Variants in ADARB1 observed in about 807,000 individuals in gnomAD.
ADARB1 encodes double-stranded RNA-specific editase 1.
ADARB1 carries 10 observed loss-of-function variants against 52.4 expected under a neutral mutation model. The observed-to-expected ratio is 0.19, with a 90% CI of 0.12 to 0.32. ADARB1 has a LOEUF of 0.32. Among genes scored for constraint, ADARB1 ranks in the 10% least tolerant of loss-of-function variants. The probability of loss-of-function intolerance (pLI) is 1.00; values close to 1 mark genes in which losing one functional copy is unlikely to be tolerated. For synonymous variants in ADARB1, 349 were observed against 371.1 expected (o/e 0.94, Z 0.68); for missense variants, 643 against 922.3 (o/e 0.70, Z 3.92).
At chr21:45,097,207 C>T (rs1011717881) in intron 1 of ADARB1, among the ~76,000 whole-genome samples, 3 of 152,150 alleles carry the variant, frequency 2.0e-5, no homozygotes, top group Admixed American at 6.5e-5. Context: ...GTATTTTCCA[C>T]TGTGAGATGG....
chr21:45,168,447 ATG>A (rs1325113971), intron 2 of ADARB1, among the ~76,000 whole-genome samples: 1 of 152,162 alleles, frequency 6.6e-6, no homozygotes, highest in Non-Finnish European at 1.5e-5. Context: ...TTATAGTTTT[ATG>A]TTTTGCATGT....
At chr21:45,197,239 C>T (rs990571416) in intron 8 of ADARB1, among the ~76,000 whole-genome samples, 5 of 151,822 alleles carry the variant, frequency 3.3e-5, no homozygotes, top group African/African-American at 9.7e-5. Context: ...TGGTGGCTCA[C>T]GCCTGTAATC....
At chr21:45,162,982 A>G (rs1056767308) in intron 2 of ADARB1, among the ~76,000 whole-genome samples, 5 of 152,226 alleles carry the variant, frequency 3.3e-5, no homozygotes, top group Non-Finnish European at 7.3e-5. Flanking sequence ...GCTCAGTCCC[A>G]GACTCTCACC....
intron 9 of ADARB1, among the ~76,000 whole-genome samples, chr21:45,211,911 G>A (rs538733344): frequency 6.6e-6 from 1 of 152,320 alleles, no homozygotes; most frequent in South Asian, 2.1e-4. Flanking sequence ...TGACCATTTA[G>A]GGGCTTTCTG....
intron 8 of ADARB1, among the ~76,000 whole-genome samples, chr21:45,192,285 C>T (rs755472780): frequency 2.0e-5 from 3 of 152,022 alleles, no homozygotes; most frequent in Non-Finnish European, 4.4e-5. Context: ...AAGGAGTAAC[C>T]AAATAAGGTG....
chr21:45,205,902 G>A (rs548070078), intron 9 of ADARB1, among the ~76,000 whole-genome samples: 2 of 152,284 alleles, frequency 1.3e-5, no homozygotes, highest in East Asian at 1.9e-4. Flanking sequence ...CAACTAGCAC[G>A]CCTTTAATTT....
intron 2 of ADARB1, among the ~76,000 whole-genome samples, chr21:45,143,825 G>T (rs545987951): frequency 6.6e-6 from 1 of 152,222 alleles, no homozygotes; most frequent in Admixed American, 6.5e-5. Flanking sequence ...AGTCTTTTCC[G>T]CAATGGCATC....
chr21:45,090,696 C>T (rs753944191), intron 1 of ADARB1, among the ~76,000 whole-genome samples: 20 of 152,172 alleles, frequency 1.3e-4, no homozygotes, highest in Non-Finnish European at 2.1e-4. Flanking sequence ...GGTACCTGTG[C>T]AGCTCAGCAC....
chr21:45,096,746 CCT>C (rs993214594), intron 1 of ADARB1, among the ~76,000 whole-genome samples: 2 of 152,158 alleles, frequency 1.3e-5, no homozygotes, highest in African/African-American at 4.8e-5. Context: ...GGAATTTTCT[CCT>C]CTCTTTATTT....
At chr21:45,083,066 C>T (rs1209695127) in intron 1 of ADARB1, among the ~76,000 whole-genome samples, 1 of 152,172 alleles carries the variant, frequency 6.6e-6, no homozygotes, top group African/African-American at 2.4e-5. Flanking sequence ...CCATCTGTAC[C>T]CACCACTACC....
intron 2 of ADARB1, among the ~76,000 whole-genome samples, chr21:45,138,049 C>CT (rs2089491548): frequency 6.6e-6 from 1 of 152,132 alleles, no homozygotes; most frequent in Non-Finnish European, 1.5e-5. Flanking sequence ...TCTTGCCCTC[C>CT]TCAGTGGCAT....
intron 1 of ADARB1, among the ~76,000 whole-genome samples, chr21:45,094,548 C>T (rs1334268098): frequency 1.3e-5 from 2 of 152,192 alleles, no homozygotes; most frequent in Admixed American, 1.3e-4. Flanking sequence ...GGAACATCCT[C>T]TGTACATGGA....
chr21:45,089,360 A>G (rs2086474269), intron 1 of ADARB1, among the ~76,000 whole-genome samples: 2 of 152,226 alleles, frequency 1.3e-5, no homozygotes, highest in Admixed American at 6.5e-5. Flanking sequence ...ATATGATGGG[A>G]GAATGGCAGA....
At position 45,182,568 on chromosome 21, in the gene ADARB1, C is replaced by CT. The variant is rs373179300; in HGVS notation, c.1079-4dup. 0.11 allele frequency: 110,941 copies of CT among 1,030,828 alleles called. No homozygotes were observed. The highest frequency in any genetic ancestry group is 0.12 in the Non-Finnish European group (85,485 of 729,116). The allele number at this position is 1,030,828 out of a possible 1,614,324, so 63.9% of individuals were successfully genotyped here. ...CTGTGAATTACAGAAAATAGTGTCT[C>CT]TTTTTTTTTTTTTCAGGCACAGATG... On this transcript the variant is annotated splice_polypyrimidine_tract_variant and intron_variant, in intron 5 of 10. Transcript: ENST00000348831.
chr21:45,156,522 TCATCACC>T (rs1569086456), intron 2 of ADARB1, among the ~76,000 whole-genome samples: 1 of 13,470 alleles, frequency 7.4e-5, no homozygotes, highest in Non-Finnish European at 1.6e-4. Flanking sequence ...CACCCACCCA[TCATCACC>T]CATCACCCAT....
rs773554176 is a variant in ADARB1 at position 45,204,455 on chromosome 21, C to T, written c.1566-100C>T. The T allele has an allele frequency of 5.8e-4, 681 of 1,171,076 alleles. No individual in the cohort carries two copies. The Middle Eastern group carries it at 8.7e-3, about 15-fold the overall frequency. 72.5% of individuals were successfully genotyped at this position (1,171,076 alleles called of 1,614,324 possible). A position where few individuals can be genotyped will look rare whatever the true frequency, so the allele number is the denominator to read the frequency against. On this transcript the variant is annotated intron_variant, in intron 8 of 10. Transcript: ENST00000348831. This position sits in a 1 kb window ranked among gnomAD's most constrained non-coding sequence, Gnocchi z 4.4. ...CCTTCGTCAGTTGGTTGGGATCCTG[C>T]GGAATTGCCAGTGCATCCCTGTAAC...
chr21:45,101,790 G>T (rs1297145789), intron 1 of ADARB1, among the ~76,000 whole-genome samples: 2 of 152,216 alleles, frequency 1.3e-5, no homozygotes, highest in Admixed American at 6.5e-5. Context: ...ACTATTACGT[G>T]GGAGATGAGT....
intron 8 of ADARB1, among the ~76,000 whole-genome samples, chr21:45,185,840 C>T (rs1487391291): frequency 1.3e-5 from 2 of 152,248 alleles, no homozygotes; most frequent in Non-Finnish European, 2.9e-5. Flanking sequence ...GTGGCACCCA[C>T]AGTGAGTGGG....
intron 2 of ADARB1, chr21:45,146,285 T>C (rs1031844111): frequency 6.6e-6 from 1 of 152,270 alleles, no homozygotes; most frequent in Non-Finnish European, 1.5e-5. Context: ...AATATACTTT[T>C]CTGAATTATG....
Sources: allele counts gnomAD v4.1 joint callset (sites outside exome capture counted in the v4.1 genomes callset), GRCh38; gene constraint gnomAD v4.1.1; non-coding constraint Gnocchi (gnomAD v3.1); transcripts MANE v1.5; gene names NCBI Gene and HGNC (gene_info 2026-07-23, HGNC 2026-07-21).